CDH18: variants seen among roughly 807,000 people sequenced by gnomAD.
CDH18 encodes the protein cadherin 18.
A neutral mutation model predicts 67.9 loss-of-function variants in CDH18; 31 were observed. The observed-to-expected ratio is 0.46, with a 90% CI of 0.34 to 0.62. The LOEUF is 0.62. Among genes scored for constraint, CDH18 ranks in the 20% least tolerant of loss-of-function variants. The probability of loss-of-function intolerance (pLI) is 0.01; values close to 1 mark genes in which losing one functional copy is unlikely to be tolerated. For missense variants in CDH18, 890 were observed against 975.5 expected (o/e 0.91, Z 1.17); for synonymous variants, 362 against 347.2 (o/e 1.04, Z -0.48).
chr5:20,432,192 C>T (rs559608763), intron 1 of CDH18, among the ~76,000 whole-genome samples: 8 of 152,162 alleles, frequency 5.3e-5, no homozygotes, highest in South Asian at 2.1e-4. Flanking sequence ...AAAAATTAAA[C>T]GGATAGTTAT....
At chr5:19,641,038 C>CT in intron 5 of CDH18, among the ~76,000 whole-genome samples, 1 of 150,178 alleles carries the variant, frequency 6.7e-6, no homozygotes, top group East Asian at 2.0e-4. Context: ...AAAAAGCATC[C>CT]TTTTTATGGT....
At chr5:19,631,680 C>T (rs1561506465) in intron 5 of CDH18, among the ~76,000 whole-genome samples, 4 of 151,904 alleles carry the variant, frequency 2.6e-5, no homozygotes, top group Non-Finnish European at 5.9e-5. Context: ...TTTTGAACTA[C>T]GGGAAGATAT....
intron 2 of CDH18, among the ~76,000 whole-genome samples, chr5:20,250,336 A>G (rs1368772794): frequency 2.0e-5 from 3 of 151,528 alleles, no homozygotes; most frequent in Non-Finnish European, 4.4e-5. Flanking sequence ...CTCTGTCGCC[A>G]GGCTGGAGTG....
chr5:20,356,375 TC>T (rs1332599887), intron 1 of CDH18, among the ~76,000 whole-genome samples: 2 of 151,868 alleles, frequency 1.3e-5, no homozygotes, highest in African/African-American at 4.8e-5. Flanking sequence ...AGAGCAAGAC[TC>T]CATCTCAAAC....
intron 2 of CDH18, among the ~76,000 whole-genome samples, chr5:19,921,116 A>G (rs1269568464): frequency 6.6e-6 from 1 of 152,198 alleles, no homozygotes; most frequent in Non-Finnish European, 1.5e-5. Context: ...AATGCACTTG[A>G]GGAAACAATA....
intron 1 of CDH18, among the ~76,000 whole-genome samples, chr5:20,478,322 TG>T (rs1392127288): frequency 6.6e-6 from 1 of 152,120 alleles, no homozygotes; most frequent in Non-Finnish European, 1.5e-5. Context: ...TTCAAGGCCT[TG>T]GTTCCAGGAT....
chr5:19,812,442 G>A (rs940776622), intron 3 of CDH18, among the ~76,000 whole-genome samples: 12 of 152,226 alleles, frequency 7.9e-5, no homozygotes, highest in Middle Eastern at 3.4e-3. Flanking sequence ...ATTCTATGTC[G>A]TTGTTGGAGA....
chr5:20,009,725 C>T (rs1218600006), intron 2 of CDH18, among the ~76,000 whole-genome samples: 1 of 152,088 alleles, frequency 6.6e-6, no homozygotes, highest in African/African-American at 2.4e-5. Context: ...TGGAATCAGA[C>T]TAGGAGAACT....
chr5:20,386,823 A>G (rs75394153), intron 1 of CDH18, among the ~76,000 whole-genome samples: 1,724 of 152,204 alleles, frequency 0.011, 42 homozygotes, highest in African/African-American at 0.039. Context: ...CCTATAGAAA[A>G]CACAAAATCC....
At chr5:19,959,254 A>G (rs1292812393) in intron 2 of CDH18, among the ~76,000 whole-genome samples, 1 of 152,004 alleles carries the variant, frequency 6.6e-6, no homozygotes, top group Non-Finnish European at 1.5e-5. Context: ...TGTGTGTATA[A>G]CTGTAGGTGA....
intron 5 of CDH18, among the ~76,000 whole-genome samples, chr5:19,617,934 T>C (rs1437013740): frequency 2.0e-5 from 3 of 152,220 alleles, no homozygotes; most frequent in Admixed American, 2.0e-4. Flanking sequence ...TCCTGACTAA[T>C]AATATTCATA....
intron 2 of CDH18, among the ~76,000 whole-genome samples, chr5:20,150,083 A>T (rs535192694): frequency 6.9e-4 from 105 of 152,256 alleles, no homozygotes; most frequent in Admixed American, 1.0e-3. Context: ...GTGGATTTGA[A>T]AAAAAGTTCT....
chr5:19,643,924 A>G (rs1051063695), intron 5 of CDH18, among the ~76,000 whole-genome samples: 17 of 152,192 alleles, frequency 1.1e-4, no homozygotes, highest in Admixed American at 6.5e-5. Context: ...GTATACATAC[A>G]TCAAATTATC....
chr5:20,012,831 C>T (rs564244234), intron 2 of CDH18, among the ~76,000 whole-genome samples: 1 of 152,138 alleles, frequency 6.6e-6, no homozygotes, highest in African/African-American at 2.4e-5. Context: ...CACATTCTCA[C>T]TTGTAAGTGG....
chr5:19,474,269 T>C (rs528451981), intron 12 of CDH18, among the ~76,000 whole-genome samples: 1 of 152,112 alleles, frequency 6.6e-6, no homozygotes, highest in Non-Finnish European at 1.5e-5. Flanking sequence ...CCTTTAAAAT[T>C]ATATTATCAT....
intron 5 of CDH18, among the ~76,000 whole-genome samples, chr5:19,640,125 T>G (rs529498391): frequency 6.6e-6 from 1 of 152,188 alleles, no homozygotes; most frequent in Non-Finnish European, 1.5e-5. Flanking sequence ...CAGGTAGTTC[T>G]TCAAGTTGTA....
intron 1 of CDH18, among the ~76,000 whole-genome samples, chr5:20,345,501 C>T (rs1277792620): frequency 6.6e-6 from 1 of 152,066 alleles, no homozygotes; most frequent in African/African-American, 2.4e-5. Context: ...CCCTCTGTAG[C>T]TCTTTTTTAT....
chr5:19,478,640 C>T (rs1738894553), intron 12 of CDH18: 1 of 152,214 alleles, frequency 6.6e-6, no homozygotes, highest in Non-Finnish European at 1.5e-5. Flanking sequence ...GGTGGCCTCA[C>T]CTAGGTTACC....
At chr5:19,851,450 A>C (rs994309591) in intron 2 of CDH18, among the ~76,000 whole-genome samples, 3 of 150,470 alleles carry the variant, frequency 2.0e-5, no homozygotes, top group East Asian at 1.9e-4. Flanking sequence ...CAAAAAACCC[A>C]AAATTCCCTT....
Sources: allele counts gnomAD v4.1 joint callset (sites outside exome capture counted in the v4.1 genomes callset), GRCh38; gene constraint gnomAD v4.1.1; transcripts MANE v1.5; gene names NCBI Gene and HGNC (gene_info 2026-07-23, HGNC 2026-07-21).